GPATCH2L: variants seen among roughly 807,000 people sequenced by gnomAD.
GPATCH2L encodes the protein G patch domain-containing protein 2-like.
Under a neutral mutation model 57.4 loss-of-function variants are expected in GPATCH2L, and 31 were observed. That is an observed-to-expected ratio of 0.54 (90% CI 0.41 to 0.73). The LOEUF (loss-of-function observed/expected upper bound fraction) is 0.73. Among genes scored for constraint, GPATCH2L ranks in the 30% least tolerant of loss-of-function variants. The pLI, the probability that GPATCH2L is intolerant of heterozygous loss-of-function variation, is 0.00. For synonymous variants in GPATCH2L, 199 were observed against 210.7 expected, an observed-to-expected ratio of 0.94 and a Z score of 0.48; for missense variants, 481 against 599.9, an observed-to-expected ratio of 0.80 and a Z score of 2.07.
At chr14:76,156,400 A>G (rs1212780575) in intron 2 of GPATCH2L, among the ~76,000 whole-genome samples, 1 of 152,152 alleles carries the variant, frequency 6.6e-6, no homozygotes, top group Non-Finnish European at 1.5e-5. Context: ...ACTTTTTCTT[A>G]TTAACTTTAT....
rs575602881 is a variant in GPATCH2L, at chr14:76,208,530, A to C, written c.*6679A>C. On this transcript the variant is annotated 3_prime_UTR_variant, in exon 10 of 10. Coordinates refer to ENST00000261530, the MANE Select transcript of GPATCH2L (RefSeq NM_017926.4). ...CAGTTAATCTCAGCCCTCCCCCACC[A>C]CATAACAGCCTCGGGCAGAACTTCC... is the stretch of plus-strand genomic sequence containing the variant. The C allele has an allele frequency of 6.6e-6, 1 of 151,940 alleles. No homozygotes were observed. Among genetic ancestry groups the C allele is most frequent in the Admixed American group, 6.6e-5 (1 of 15,172 alleles). The allele number at this position is 151,940 out of a possible 1,614,324, so 9.4% of individuals were successfully genotyped here.
At chr14:76,153,083 G>T in intron 1 of GPATCH2L, 1 of 284,964 alleles carries the variant, frequency 3.5e-6, no homozygotes, top group Non-Finnish European at 6.9e-6. Flanking sequence ...TTGGAAGTAG[G>T]TGTCACTATT....
intron 3 of GPATCH2L, among the ~76,000 whole-genome samples, chr14:76,170,136 C>T (rs1224983559): frequency 6.6e-6 from 1 of 152,174 alleles, no homozygotes; most frequent in Non-Finnish European, 1.5e-5. Flanking sequence ...ATATCTCCTG[C>T]TTTTCACCAG....
chr14:76,173,750 G>A (rs1226666722), intron 5 of GPATCH2L, 125 bp downstream of exon 5: 4 of 689,990 alleles, frequency 5.8e-6, no homozygotes, highest in Non-Finnish European at 1.1e-5. Flanking sequence ...ACTGGAATGT[G>A]TTGGGAGTTT....
intron 1 of GPATCH2L, among the ~76,000 whole-genome samples, chr14:76,222,172 T>C (rs2040517939): frequency 6.6e-6 from 1 of 152,182 alleles, no homozygotes; most frequent in Non-Finnish European, 1.5e-5. Context: ...ATTACCAATA[T>C]AAAACCCCAG....
At chr14:76,163,391 C>G (rs2038689041) in intron 2 of GPATCH2L, among the ~76,000 whole-genome samples, 2 of 152,168 alleles carry the variant, frequency 1.3e-5, no homozygotes, top group Non-Finnish European at 2.9e-5. Flanking sequence ...AAACTCAGTT[C>G]AAGTATCAAA....
At chr14:76,215,817 G>A (rs1252932320), downstream of GPATCH2L, among the ~76,000 whole-genome samples, 1 of 151,042 alleles carries the variant, frequency 6.6e-6, no homozygotes, top group African/African-American at 2.4e-5. Flanking sequence ...CCTAATGCTA[G>A]ATGACGAGTT....
At chr14:76,183,760 T>C (rs2039663090) in intron 8 of GPATCH2L, among the ~76,000 whole-genome samples, 1 of 152,176 alleles carries the variant, frequency 6.6e-6, no homozygotes, top group Non-Finnish European at 1.5e-5. Flanking sequence ...GATGGAACCG[T>C]CTAGCTCCAG....
intron 5 of GPATCH2L, 139 bp downstream of exon 5, chr14:76,173,764 A>G: frequency 1.6e-6 from 1 of 644,426 alleles, no homozygotes. Context: ...GGAGTTTACA[A>G]GAGTGAACAT....
intron 2 of GPATCH2L, among the ~76,000 whole-genome samples, chr14:76,230,661 A>G (rs1182010567): frequency 1.3e-5 from 2 of 152,224 alleles, no homozygotes; most frequent in African/African-American, 2.4e-5. Flanking sequence ...ACCAATCCTC[A>G]TCTTCTAAAA....
chr14:76,175,808 G>T (rs1328553820), intron 5 of GPATCH2L: 2 of 152,180 alleles, frequency 1.3e-5, no homozygotes, highest in Non-Finnish European at 2.9e-5. Flanking sequence ...TTGAAGAACA[G>T]CCTTGATGTT....
chr14:76,165,503 A>AG (rs2038792418), intron 2 of GPATCH2L, among the ~76,000 whole-genome samples: 1 of 152,000 alleles, frequency 6.6e-6, no homozygotes, highest in Admixed American at 6.6e-5. Flanking sequence ...AAAAAAAAAA[A>AG]AAGAAGAAAT....
chr14:76,218,107 G>A (rs552361381), downstream of GPATCH2L, among the ~76,000 whole-genome samples: 8 of 152,232 alleles, frequency 5.3e-5, no homozygotes, highest in African/African-American at 1.9e-4. Flanking sequence ...CAAAGCCTGC[G>A]TCATGCTTAA....
chr14:76,160,149 A>T (rs2038511621), intron 2 of GPATCH2L, among the ~76,000 whole-genome samples: 1 of 152,156 alleles, frequency 6.6e-6, no homozygotes, highest in Non-Finnish European at 1.5e-5. Flanking sequence ...GTCTCAAAAA[A>T]AAAGAAAAAA....
intron 2 of GPATCH2L, among the ~76,000 whole-genome samples, chr14:76,157,499 G>T (rs1224978813): frequency 6.6e-6 from 1 of 152,046 alleles, no homozygotes; most frequent in Non-Finnish European, 1.5e-5. Context: ...AATCTTCTTG[G>T]TTACCCTTTC....
At chr14:76,216,964 G>T (rs1033760951), downstream of GPATCH2L, among the ~76,000 whole-genome samples, 1 of 152,046 alleles carries the variant, frequency 6.6e-6, no homozygotes. Flanking sequence ...GAGATAACTG[G>T]ATATAGTTAT....
intron 8 of GPATCH2L, 82 bp downstream of exon 8, chr14:76,180,931 T>C: frequency 1.2e-6 from 1 of 825,016 alleles, no homozygotes; most frequent in Non-Finnish European, 2.1e-6. Context: ...TAGAGTATGC[T>C]TGTGTACAGT....
intron 1 of GPATCH2L, among the ~76,000 whole-genome samples, chr14:76,227,285 T>G (rs2040540081): frequency 6.6e-6 from 1 of 152,166 alleles, no homozygotes; most frequent in Non-Finnish European, 1.5e-5. Context: ...ATACTCACCC[T>G]CCTACACGAT....
downstream of GPATCH2L, among the ~76,000 whole-genome samples, chr14:76,216,624 A>G (rs12879642): frequency 0.8 from 120,937 of 152,112 alleles, 48,506 homozygotes; most frequent in South Asian, 0.88. Context: ...TGTACTCTGC[A>G]GAAAGATTTT....
Sources: gnomAD v4.1 joint callset for allele counts (sites outside exome capture counted in the v4.1 genomes callset) on GRCh38, gnomAD v4.1.1 for gene constraint, MANE v1.5 for transcripts, NCBI Gene and HGNC (gene_info 2026-07-23, HGNC 2026-07-21) for gene names.